COL11A1: variants seen among roughly 807,000 people sequenced by gnomAD.
The protein encoded by COL11A1 is collagen alpha-1(XI) chain.
Under a neutral mutation model 265.2 loss-of-function variants are expected in COL11A1, and 74 were observed. The ratio of observed to expected loss-of-function variants is 0.28; its 90% CI spans 0.23 to 0.34. The LOEUF (loss-of-function observed/expected upper bound fraction) is 0.34, where lower values mean the gene tolerates loss of function less well. Among genes scored for constraint, COL11A1 ranks in the 10% least tolerant of loss-of-function variants. The probability of loss-of-function intolerance (pLI) is 1.00; values close to 1 mark genes in which losing one functional copy is unlikely to be tolerated. For missense variants in COL11A1, 2,165 were observed against 2,263.6 expected (o/e 0.96, Z 0.88); for synonymous variants, 816 against 727.6 (o/e 1.12, Z -1.96).
Position 102,974,919 on chromosome 1 carries a change from ATGCCTTAGAAGAT to A in COL11A1, c.2755-49_2755-37del, listed in dbSNP as rs745894943. The stretch of plus-strand genomic sequence containing the variant: ...AAAGCAGTGGGGAGAAGTTAACAAT[ATGCCTTAGAAGAT>A]GCATCTTTATACTTTGAGGTTTATT... On this transcript the variant is annotated intron_variant, in intron 35 of 66. Transcript: ENST00000370096. 15 of 1,503,986 alleles carry A rather than the reference ATGCCTTAGAAGAT, an allele frequency of 1.0e-5. No homozygotes were observed. In the East Asian group the frequency reaches 2.3e-4, roughly 23 times the overall value. 93.2% of individuals were successfully genotyped at this position (1,503,986 alleles called of 1,614,324 possible). A position where few individuals can be genotyped will look rare whatever the true frequency, so the allele number is the denominator to read the frequency against.
At chr1:102,948,476 A>G (rs923562350) in intron 41 of COL11A1, among the ~76,000 whole-genome samples, 1 of 152,078 alleles carries the variant, frequency 6.6e-6, no homozygotes, top group African/African-American at 2.4e-5. Flanking sequence ...GTTGATAGAA[A>G]TAATTTGGAG....
At chr1:103,027,828 A>G (rs1296088244) in intron 5 of COL11A1, among the ~76,000 whole-genome samples, 3 of 152,120 alleles carry the variant, frequency 2.0e-5, no homozygotes, top group Non-Finnish European at 4.4e-5. Context: ...ATATATACAG[A>G]CCTGTACCAA....
intron 35 of COL11A1, among the ~76,000 whole-genome samples, chr1:102,978,209 T>A (rs1223484398): frequency 1.3e-5 from 2 of 152,184 alleles, no homozygotes. Flanking sequence ...TTTGGCTACA[T>A]CTTACATCAA....
chr1:103,080,651 A>G (rs1204548754), intron 2 of COL11A1, among the ~76,000 whole-genome samples: 3 of 151,946 alleles, frequency 2.0e-5, no homozygotes, highest in African/African-American at 7.2e-5. Flanking sequence ...AATGGCAACT[A>G]TCAAAAAGTC....
At chr1:102,880,946 G>T (rs1399135368) in intron 65 of COL11A1, among the ~76,000 whole-genome samples, 3 of 151,952 alleles carry the variant, frequency 2.0e-5, no homozygotes, top group Non-Finnish European at 2.9e-5. Flanking sequence ...GCAACTTGAA[G>T]ACTGTAATAG....
At chr1:103,029,513 A>T (rs1406679876) in intron 5 of COL11A1, among the ~76,000 whole-genome samples, 1 of 152,030 alleles carries the variant, frequency 6.6e-6, no homozygotes, top group Non-Finnish European at 1.5e-5. Context: ...TGAAGGATCA[A>T]CATAATTTAG....
chr1:103,037,115 T>C (rs1031427589), intron 4 of COL11A1, among the ~76,000 whole-genome samples: 4 of 150,198 alleles, frequency 2.7e-5, no homozygotes, highest in African/African-American at 9.8e-5. Context: ...TGTTCATTTT[T>C]TTACTTTGGT....
At chr1:102,891,320 G>A (rs187778717) in intron 57 of COL11A1, among the ~76,000 whole-genome samples, 1 of 151,870 alleles carries the variant, frequency 6.6e-6, no homozygotes, top group East Asian at 1.9e-4. Flanking sequence ...ACATCAAGAT[G>A]GTACTTTCAG....
rs540354456 is a variant in COL11A1 at position 102,889,610 on chromosome 1, C to T, written c.4357-48G>A. The T allele has an allele frequency of 1.3e-5, 17 of 1,327,818 alleles. No individual in the cohort carries two copies. In the Admixed American group the frequency reaches 1.9e-4, roughly 15 times the overall value. 82.3% of individuals were successfully genotyped at this position (1,327,818 alleles called of 1,614,324 possible). On this transcript the variant is annotated intron_variant, in intron 58 of 66. Coordinates refer to ENST00000370096, the MANE Select transcript of COL11A1 (RefSeq NM_001854.4). ...ATAATAACATGTACATTACTATCTT[C>T]ATAAAATTTTAGTTATAAAATATTT...
At chr1:102,969,633 G>C (rs1184738982) in intron 37 of COL11A1, among the ~76,000 whole-genome samples, 2 of 152,158 alleles carry the variant, frequency 1.3e-5, no homozygotes, top group Admixed American at 1.3e-4. Context: ...AAGTTGTTCA[G>C]TCAATTTGTT....
At chr1:102,937,372 C>T (rs994428358) in intron 44 of COL11A1, among the ~76,000 whole-genome samples, 1 of 152,012 alleles carries the variant, frequency 6.6e-6, no homozygotes, top group Non-Finnish European at 1.5e-5. Context: ...TAATTAAATC[C>T]ATAGTATTTA....
chr1:103,083,855 C>T (rs79132343), intron 1 of COL11A1, among the ~76,000 whole-genome samples: 5,545 of 152,172 alleles, frequency 0.036, 370 homozygotes, highest in African/African-American at 0.13. Context: ...TAAAACTAGG[C>T]TACTTTTTAG....
chr1:102,930,321 AAGGCTTT>A (rs1218028002), intron 46 of COL11A1, among the ~76,000 whole-genome samples: 3 of 151,778 alleles, frequency 2.0e-5, no homozygotes, highest in Non-Finnish European at 4.4e-5. Context: ...AATTTTGTCA[AAGGCTTT>A]TTCTGCATCT....
chr1:103,032,622 A>C (rs1668070666), intron 4 of COL11A1, among the ~76,000 whole-genome samples: 1 of 152,092 alleles, frequency 6.6e-6, no homozygotes, highest in Non-Finnish European at 1.5e-5. Flanking sequence ...TAAGTTATTT[A>C]ATAAGAATTA....
intron 30 of COL11A1, among the ~76,000 whole-genome samples, chr1:102,985,450 T>C (rs1231304313): frequency 6.6e-6 from 1 of 152,124 alleles, no homozygotes; most frequent in African/African-American, 2.4e-5. Flanking sequence ...CTTATAATGA[T>C]GTTCCCTTGG....
chr1:102,969,283 AT>A (rs898779344), intron 37 of COL11A1, among the ~76,000 whole-genome samples: 16 of 152,250 alleles, frequency 1.1e-4, no homozygotes, highest in Admixed American at 9.8e-4. Context: ...GAAAAATCAT[AT>A]TTTTTTCAGA....
chr1:103,008,370 A>C (rs904061854), intron 15 of COL11A1, 93 bp downstream of exon 15: 85 of 855,334 alleles, frequency 9.9e-5, no homozygotes, highest in Admixed American at 1.4e-4. Context: ...ACTCAGGAAC[A>C]AAAAAAAAAT....
At position 103,105,069 on chromosome 1, in the gene COL11A1, T is replaced by C. The variant is rs1674584508; in HGVS notation, c.106+3004A>G. On this transcript the variant is annotated intron_variant, in intron 1 of 66. Coordinates refer to ENST00000370096, the MANE Select transcript of COL11A1 (RefSeq NM_001854.4). ...AAATGTAATTTTAATTAGTAAAAAGTGATTCAATTAGATTTTTTTTTTTTA... is the reference window on the plus strand; with the variant it reads ...AAATGTAATTTTAATTAGTAAAAAGCGATTCAATTAGATTTTTTTTTTTTA... 1.5e-5 allele frequency among the ~76,000 whole-genome samples: 2 copies of C among 135,658 alleles called. 1 individual carries two copies. The highest frequency in any genetic ancestry group is 5.8e-4 in the East Asian group (2 of 3,450). The allele number at this position is 135,658 out of a possible 152,430, so 89.0% of individuals were successfully genotyped here.
At chr1:103,019,409 C>T (rs1387590860) in intron 9 of COL11A1, among the ~76,000 whole-genome samples, 2 of 152,062 alleles carry the variant, frequency 1.3e-5, no homozygotes, top group Non-Finnish European at 2.9e-5. Context: ...TATGATTCCA[C>T]TCCATCTTTG....
Sources: allele counts gnomAD v4.1 joint callset (sites outside exome capture counted in the v4.1 genomes callset), GRCh38; gene constraint gnomAD v4.1.1; transcripts MANE v1.5; gene names NCBI Gene and HGNC (gene_info 2026-07-23, HGNC 2026-07-21).